Variants in SETD1B observed in about 807,000 individuals in gnomAD.
SETD1B encodes the protein SET domain containing 1B, histone lysine methyltransferase, also known as histone-lysine N-methyltransferase SETD1B.
A neutral mutation model predicts 148.0 loss-of-function variants in SETD1B; 7 were observed. That is an observed-to-expected ratio of 0.05 (90% confidence interval 0.03 to 0.09). The LOEUF is 0.09. Among genes scored for constraint, SETD1B ranks in the 10% least tolerant of loss-of-function variants. The pLI, the probability that SETD1B is intolerant of heterozygous loss-of-function variation, is 1.00. For synonymous variants in SETD1B, 1,361 were observed against 1,186.5 expected (o/e 1.15, Z -3.02); for missense variants, 2,155 against 2,729.9 (o/e 0.79, Z 4.69).
Position 121,804,853 on chromosome 12 carries a change from C to G in SETD1B, c.116C>G (p.Ala39Gly). ...AGTTACAAGTTGATGATTGACCCGG[C>G]TCTGAAAAAGGGGCATCATAAACTG... ...WRSYKLMIDP[A>G]LKKGHHKLYR... The change falls in exon 2 of 17, where the codon GCT (alanine) becomes GGT (glycine). Residue 39 changes from alanine (A) to glycine (G), a missense_variant. By Grantham distance (60) the Ala-to-Gly change is moderately conservative. This residue lies in a region of SETD1B where 124 missense variants were observed against 282.9 expected (regional missense o/e 0.44). Coordinates refer to ENST00000604567, the MANE Select transcript of SETD1B (RefSeq NM_001353345.2). This position sits in a 1 kb window ranked among gnomAD's most constrained non-coding sequence, Gnocchi z 4.6. The G allele has an allele frequency of 6.5e-7, 1 of 1,549,220 alleles. No homozygotes were observed. Among genetic ancestry groups the G allele is most frequent in the Non-Finnish European group, 8.7e-7 (1 of 1,146,250 alleles).
chr12:121,804,947 C>G lies in SETD1B; in HGVS notation c.174+36C>G. ...GGCGCGCCCCCCCAGCCGTGCCCCG[C>G]GTCGTGTCCGGGGAGACGCGCCTAG... On this transcript the variant is annotated intron_variant, in intron 2 of 16. Transcript: ENST00000604567. The surrounding 1 kb of genome is among the most constrained non-coding windows in gnomAD (Gnocchi z 4.6). The G allele has an allele frequency of 4.1e-6, 6 of 1,477,734 alleles. No homozygotes were observed. Among genetic ancestry groups the G allele is most frequent in the Non-Finnish European group, 5.4e-6 (6 of 1,110,214 alleles). 91.5% of individuals were successfully genotyped at this position (1,477,734 alleles called of 1,614,324 possible).
At chr12:121,794,572 A>C in the SETD1B span, among the ~76,000 whole-genome samples, 1 of 152,168 alleles carries the variant, frequency 6.6e-6, no homozygotes, top group African/African-American at 2.4e-5. Context: ...TTTCCTTGCC[A>C]GCAGCCACAT....
the SETD1B span, chr12:121,797,714 A>G: frequency 2.4e-6 from 1 of 416,818 alleles, no homozygotes. Flanking sequence ...CCCGGAGAGC[A>G]ACGAAGACTC....
At position 121,817,817 on chromosome 12, in the gene SETD1B, A is replaced by G. The variant is rs1157590683; in HGVS notation, c.3331A>G (p.Ser1111Gly). Reference sequence around the variant, plus strand: ...CCCCCAGGATGACGACGATGACGACAGTGATGACCGGGACGAGTCTGAGAA... The same window carrying G: ...CCCCCAGGATGACGACGATGACGACGGTGATGACCGGGACGAGTCTGAGAA... ...TSDKDDDDDDSDDRDESENDD... is the reference protein window; with the variant it reads ...TSDKDDDDDDGDDRDESENDD... Residue 1111 changes from serine (S) to glycine (G), a missense_variant, in exon 10 of 17, where the codon AGT becomes GGT. Ser to Gly is a moderately conservative substitution (Grantham distance 56). Transcript: ENST00000604567. This position sits in a 1 kb window ranked among gnomAD's most constrained non-coding sequence, Gnocchi z 8.1. 1.1e-5 allele frequency: 17 copies of G among 1,550,728 alleles called. No homozygotes were observed. Among genetic ancestry groups the G allele is most frequent in the Admixed American group, 2.0e-5 (1 of 50,886 alleles).
At position 121,823,673 on chromosome 12, in the gene SETD1B, T is replaced by C. The variant is rs1263068644; in HGVS notation, c.5094T>C (p.Cys1698=). 2 of 1,551,582 alleles carry C rather than the reference T, an allele frequency of 1.3e-6. No individual in the cohort carries two copies. The highest frequency in any genetic ancestry group is 2.4e-5 in the South Asian group (2 of 84,060). ...ATGAGGAGGACATCCGCTTCCTGTG[T>C]GTCACCTACGAGCGACTGCTACAGC... The part of the protein sequence containing the change: ...GIDEEDIRFL[C]VTYERLLQQD... Residue 1698 remains cysteine (C), a synonymous_variant, in exon 12 of 17, where the codon TGT becomes TGC. Coordinates refer to ENST00000604567, the MANE Select transcript of SETD1B (RefSeq NM_001353345.2).
At position 121,805,171 on chromosome 12, in the gene SETD1B, C is replaced by T. The variant is rs778459813; in HGVS notation, c.228C>T (p.Ile76=). 33 of 1,551,466 alleles carry T rather than the reference C, an allele frequency of 2.1e-5. No homozygotes were observed. Among genetic ancestry groups the T allele is most frequent in the Admixed American group, 9.8e-5 (5 of 50,988 alleles). Residue 76 remains isoleucine, a synonymous_variant, in exon 3 of 17, where the codon ATC becomes ATT. Coordinates refer to ENST00000604567, the MANE Select transcript of SETD1B (RefSeq NM_001353345.2). The surrounding 1 kb of genome is among the most constrained non-coding windows in gnomAD (Gnocchi z 4.2). ...EIVEDPRVVG[I]WTKNKELELS... is the part of the protein sequence containing the mutation. ...TCGAAGATCCCCGGGTCGTCGGGAT[C>T]TGGACCAAAAACAAGGAGCTGGAGC...
chr12:121,793,654 G>A, the SETD1B span: 4 of 1,518,658 alleles, frequency 2.6e-6, no homozygotes, highest in Non-Finnish European at 3.5e-6. Context: ...CCGCAGCACT[G>A]GCGGCGGCGC....
chr12:121,823,427 G>A lies in SETD1B; in HGVS notation c.4848G>A (p.Glu1616=), dbSNP rs1876683934. The A allele has an allele frequency of 6.5e-7, 1 of 1,543,332 alleles. No homozygotes were observed. The highest frequency in any genetic ancestry group is 2.5e-5 in the East Asian group (1 of 40,526). Residue 1616 remains glutamate, a synonymous_variant, in exon 12 of 17, where the codon GAG becomes GAA. Coordinates refer to ENST00000604567, the MANE Select transcript of SETD1B (RefSeq NM_001353345.2). The part of the protein sequence containing the change: ...FKELDNQWPS[E]AIPPGPRGRD... ...AGCTAGACAACCAGTGGCCCTCCGAGGCCATTCCTCCGGGCCCCCGTGGGC... is the reference window on the plus strand; with the variant it reads ...AGCTAGACAACCAGTGGCCCTCCGAAGCCATTCCTCCGGGCCCCCGTGGGC...
Position 121,822,754 on chromosome 12 carries a change from G to T in SETD1B, c.4175G>T (p.Gly1392Val). The change falls in exon 12 of 17, where the codon GGC becomes GTC. Residue 1392 changes from glycine to valine, a missense_variant. By Grantham distance (109) the Gly-to-Val change is moderately radical. Transcript: ENST00000604567. ...GGCGGGGAGCCCCCGCTATCAGGGG[G>T]CAGCAGTGGCCTGTCCCTGAGCTCT... ...TPGGEPPLSG[G>V]SSGLSLSSPQ... 1.3e-6 allele frequency: 2 copies of T among 1,516,528 alleles called. No individual in the cohort carries two copies. Among genetic ancestry groups the T allele is most frequent in the Middle Eastern group, 1.7e-4 (1 of 5,844 alleles). 93.9% of individuals were successfully genotyped at this position (1,516,528 alleles called of 1,614,324 possible).
intron 7 of SETD1B, 62 bp downstream of exon 7, chr12:121,814,992 G>T: frequency 7.1e-7 from 1 of 1,408,864 alleles, no homozygotes; most frequent in Non-Finnish European, 9.6e-7. Flanking sequence ...CCCCAGCCGG[G>T]CACCTCCTCT....
In SETD1B at chr12:121,820,045, G is replaced by A. The variant is rs1433247209; in HGVS notation, c.3910+150G>A. The stretch of plus-strand genomic sequence containing the variant: ...GAGATCAGCCGGTTGTGCCTCCCTC[G>A]AGCGAGATGAGGTGTTGGGTGCCAG... On this transcript the variant is annotated intron_variant, in intron 11 of 16. Transcript: ENST00000604567. The A allele has an allele frequency of 1.2e-4, 81 of 684,542 alleles. No homozygotes were observed. In the East Asian group the frequency reaches 2.1e-3, roughly 18 times the overall value. The allele number at this position is 684,542 out of a possible 1,614,324, so 42.4% of individuals were successfully genotyped here. A position where few individuals can be genotyped will look rare whatever the true frequency, so the allele number is the denominator to read the frequency against.
chr12:121,822,648 G>A lies in SETD1B; in HGVS notation c.4069G>A (p.Glu1357Lys), dbSNP rs1472010491. 1.2e-5 allele frequency: 18 copies of A among 1,550,850 alleles called. No homozygotes were observed. Among genetic ancestry groups the A allele is most frequent in the East Asian group, 9.8e-5 (4 of 40,892 alleles). The change falls in exon 12 of 17, where the codon GAG becomes AAG. Residue 1357 changes from glutamate (E) to lysine (K), a missense_variant. Glu to Lys is a moderately conservative substitution (Grantham distance 56). Around this residue, in one of 11 missense-constraint regions of SETD1B, gnomAD observed 862 missense variants for 873.8 expected, o/e 0.99. Coordinates refer to ENST00000604567, the MANE Select transcript of SETD1B (RefSeq NM_001353345.2). ...ATCTGTCCCTCCGGAGCCCCTTGCC[G>A]AGGACCACCCCCCGCATACTCCAGG... ...HPSVPPEPLAEDHPPHTPGLC... is the reference protein window; with the variant it reads ...HPSVPPEPLAKDHPPHTPGLC...
intron 11 of SETD1B, among the ~76,000 whole-genome samples, chr12:121,822,138 A>G (rs1286017113): frequency 6.6e-6 from 1 of 152,246 alleles, no homozygotes; most frequent in Non-Finnish European, 1.5e-5. Context: ...CTAGGAAAAA[A>G]ATCCTTGAAG....
intron 13 of SETD1B, among the ~76,000 whole-genome samples, chr12:121,825,889 G>T (rs570998808): frequency 6.6e-6 from 1 of 151,948 alleles, no homozygotes; most frequent in Non-Finnish European, 1.5e-5. Flanking sequence ...CAAGTAATTC[G>T]CCTGCCTTGG....
chr12:121,791,873 C>A, the SETD1B span, among the ~76,000 whole-genome samples: 11 of 152,236 alleles, frequency 7.2e-5, no homozygotes, highest in Non-Finnish European at 1.3e-4. Flanking sequence ...GGGTCAATGA[C>A]CTTGCCCCTC....
At position 121,817,467 on chromosome 12, in the gene SETD1B, G is replaced by A; in HGVS notation, c.3075G>A (p.Arg1025=). The change falls in exon 9 of 17, where the codon CGG becomes CGA. Residue 1025 remains arginine (R), a synonymous_variant. Transcript: ENST00000604567. The surrounding 1 kb of genome is among the most constrained non-coding windows in gnomAD (Gnocchi z 8.1). ...KGVGVRRRPA[R]PLELDSGGEE... Reference sequence around the variant, plus strand: ...TGGGTGTGCGGCGGCGGCCGGCGCGGCCTCTGGAGCTGGACAGTGGTGGGG... The same window carrying A: ...TGGGTGTGCGGCGGCGGCCGGCGCGACCTCTGGAGCTGGACAGTGGTGGGG... The A allele has an allele frequency of 1.9e-6, 3 of 1,548,722 alleles. No homozygotes were observed. Among genetic ancestry groups the A allele is most frequent in the South Asian group, 1.2e-5 (1 of 84,006 alleles).
At chr12:121,807,448 A>G (rs1398409222) in intron 4 of SETD1B, among the ~76,000 whole-genome samples, 6 of 145,986 alleles carry the variant, frequency 4.1e-5, no homozygotes, top group Non-Finnish European at 8.9e-5. Flanking sequence ...ATTCTGTAAA[A>G]AAAAAAAAAA....
chr12:121,793,351 C>T, the SETD1B span: 71 of 1,432,862 alleles, frequency 5.0e-5, no homozygotes, highest in Non-Finnish European at 6.6e-5. Flanking sequence ...CCCCTCACCC[C>T]GCTGGGCTCT....
At chr12:121,807,444 TAAAA>T (rs33988047) in intron 4 of SETD1B, among the ~76,000 whole-genome samples, 10 of 132,752 alleles carry the variant, frequency 7.5e-5, no homozygotes, top group South Asian at 2.3e-4. Flanking sequence ...TTCAATTCTG[TAAAA>T]AAAAAAAAAA....
Sources: gnomAD v4.1 joint callset for allele counts (sites outside exome capture counted in the v4.1 genomes callset) on GRCh38, gnomAD v4.1.1 for gene constraint, gnomAD v4.1.1 regional missense constraint, Gnocchi (gnomAD v3.1) non-coding constraint, MANE v1.5 for transcripts, NCBI Gene and HGNC (gene_info 2026-07-23, HGNC 2026-07-21) for gene names.